The following JAZF1 variants were observed in gnomAD, a reference collection of about 807,000 sequenced individuals.
JAZF1 encodes JAZF zinc finger 1.
Under a neutral mutation model 26.4 loss-of-function variants are expected in JAZF1, and 8 were observed. That is an observed-to-expected ratio of 0.30 (90% confidence interval 0.18 to 0.55). The LOEUF is 0.55. JAZF1 is among the 20% of genes least tolerant of loss of function. The probability of loss-of-function intolerance (pLI) is 0.94; values close to 1 mark genes in which losing one functional copy is unlikely to be tolerated. For synonymous variants in JAZF1, 126 were observed against 122.3 expected (o/e 1.03, Z -0.20); for missense variants, 199 against 322.0 (o/e 0.62, Z 2.92).
intron 1 of JAZF1, among the ~76,000 whole-genome samples, chr7:28,032,575 T>C (rs1461215365): frequency 1.3e-5 from 2 of 152,138 alleles, no homozygotes; most frequent in Admixed American, 6.5e-5. Context: ...ATTTGCTAGA[T>C]CAGATAGCCT....
chr7:27,865,227 A>T (rs1010766288), intron 3 of JAZF1, among the ~76,000 whole-genome samples: 2 of 152,150 alleles, frequency 1.3e-5, no homozygotes, highest in African/African-American at 4.8e-5. Flanking sequence ...GAAATTAGCC[A>T]GGTGCAGTAG....
intron 2 of JAZF1, among the ~76,000 whole-genome samples, chr7:27,972,198 A>C (rs1045005402): frequency 6.6e-6 from 1 of 152,240 alleles, no homozygotes; most frequent in Non-Finnish European, 1.5e-5. Flanking sequence ...AGAACAGAAG[A>C]GAAGAGTAAG....
chr7:27,846,187 A>G (rs947823187), intron 3 of JAZF1, among the ~76,000 whole-genome samples: 2 of 152,074 alleles, frequency 1.3e-5, no homozygotes, highest in Admixed American at 6.6e-5. Context: ...TTTTCCACAT[A>G]TAAGTGAGAT....
chr7:27,921,967 A>G (rs924088899), intron 2 of JAZF1, among the ~76,000 whole-genome samples: 1 of 152,370 alleles, frequency 6.6e-6, no homozygotes, highest in Non-Finnish European at 1.5e-5. Flanking sequence ...TACGAACTCT[A>G]TGATTTCCTC....
chr7:27,968,080 G>T (rs1785310191), intron 2 of JAZF1, among the ~76,000 whole-genome samples: 1 of 152,060 alleles, frequency 6.6e-6, no homozygotes, highest in South Asian at 2.1e-4. Flanking sequence ...AAATAATTGT[G>T]GTAATTCATA....
intron 4 of JAZF1, among the ~76,000 whole-genome samples, chr7:27,834,802 C>G (rs914528537): frequency 1.1e-4 from 17 of 152,174 alleles, no homozygotes; most frequent in African/African-American, 4.1e-4. Flanking sequence ...TGCATGAGAC[C>G]CCAGGCGAGA....
At chr7:28,075,603 AT>A (rs567390719) in intron 1 of JAZF1, among the ~76,000 whole-genome samples, 243 of 152,348 alleles carry the variant, frequency 1.6e-3, no homozygotes, top group African/African-American at 5.6e-3. Flanking sequence ...ATCATGCTCT[AT>A]AAACTGTTCT....
chr7:28,147,346 C>T (rs1036618003), intron 1 of JAZF1, among the ~76,000 whole-genome samples: 2 of 152,052 alleles, frequency 1.3e-5, no homozygotes, highest in Non-Finnish European at 2.9e-5. Flanking sequence ...GCACTATTTT[C>T]TCTTTTTATA....
intron 2 of JAZF1, among the ~76,000 whole-genome samples, chr7:27,931,384 TA>T (rs887281702): frequency 1.2e-3 from 188 of 152,292 alleles, no homozygotes; most frequent in African/African-American, 4.5e-3. Flanking sequence ...AACCAGTCTT[TA>T]AAAGCTGTAT....
intron 3 of JAZF1, among the ~76,000 whole-genome samples, chr7:27,857,651 A>C (rs2128335486): frequency 6.6e-6 from 1 of 152,386 alleles, no homozygotes; most frequent in South Asian, 2.1e-4. Context: ...CCACATGATT[A>C]TCTCAATAGA....
At chr7:27,924,029 G>A (rs1326020470) in intron 2 of JAZF1, among the ~76,000 whole-genome samples, 4 of 152,106 alleles carry the variant, frequency 2.6e-5, no homozygotes, top group African/African-American at 4.8e-5. Context: ...GGATGGGGAC[G>A]GGGACTGAAA....
chr7:27,949,822 A>C (rs942828370), intron 2 of JAZF1, among the ~76,000 whole-genome samples: 3 of 152,214 alleles, frequency 2.0e-5, no homozygotes, highest in African/African-American at 7.2e-5. Context: ...CTCCTAGACA[A>C]TGCCAATCGT....
At chr7:28,049,021 CT>C (rs1352533915) in intron 1 of JAZF1, among the ~76,000 whole-genome samples, 6 of 131,682 alleles carry the variant, frequency 4.6e-5, no homozygotes, top group East Asian at 2.3e-4. Flanking sequence ...CCCTCCCTCC[CT>C]TCCCTTCCCC....
chr7:28,179,986 C>T (rs1331891177), intron 1 of JAZF1, among the ~76,000 whole-genome samples: 3 of 144,456 alleles, frequency 2.1e-5, no homozygotes, highest in Admixed American at 6.8e-5. Flanking sequence ...GGCGGAAGCG[C>T]CCGGCGGCGT....
At chr7:28,010,429 T>G (rs1782781143) in intron 1 of JAZF1, among the ~76,000 whole-genome samples, 1 of 152,096 alleles carries the variant, frequency 6.6e-6, no homozygotes, top group Non-Finnish European at 1.5e-5. Context: ...TGCCTCAACA[T>G]CTCTTACCCT....
chr7:27,927,286 TATA>T (rs766014563), intron 2 of JAZF1, among the ~76,000 whole-genome samples: 6 of 152,172 alleles, frequency 3.9e-5, no homozygotes, highest in Admixed American at 6.5e-5. Context: ...CACTTCTATT[TATA>T]ATATTTACTA....
At chr7:28,024,179 C>T (rs115140145) in intron 1 of JAZF1, among the ~76,000 whole-genome samples, 6,848 of 151,938 alleles carry the variant, frequency 0.045, 248 homozygotes, top group African/African-American at 0.093. Flanking sequence ...CCTGTAGTCC[C>T]AGCTACTCAG....
chr7:28,129,242 T>A (rs1427452513), intron 1 of JAZF1, among the ~76,000 whole-genome samples: 1 of 152,018 alleles, frequency 6.6e-6, no homozygotes, highest in Non-Finnish European at 1.5e-5. Flanking sequence ...AAATGGATAT[T>A]ATGCAGGTGT....
chr7:28,131,861 T>G (rs1782799695), intron 1 of JAZF1, among the ~76,000 whole-genome samples: 1 of 152,310 alleles, frequency 6.6e-6, no homozygotes, highest in African/African-American at 2.4e-5. Context: ...AACACTTCAC[T>G]CGATGTATTA....
Sources: gnomAD v4.1 joint callset for allele counts (sites outside exome capture counted in the v4.1 genomes callset) on GRCh38, gnomAD v4.1.1 for gene constraint, MANE v1.5 for transcripts, NCBI Gene and HGNC (gene_info 2026-07-23, HGNC 2026-07-21) for gene names.